Variants in FAM83G observed in about 807,000 individuals in gnomAD.
FAM83G encodes scaffolding CK1 anchoring protein G, also known as protein FAM83G.
In FAM83G, 38 loss-of-function variants were observed where a neutral mutation model predicts 61.5. The observed-to-expected ratio is 0.62, with a 90% CI of 0.48 to 0.81. The LOEUF is 0.81. Among genes scored for constraint, FAM83G ranks in the 30% least tolerant of loss-of-function variants. The pLI is 0.00. For synonymous variants in FAM83G, 470 were observed against 476.1 expected (o/e 0.99, Z 0.17); for missense variants, 989 against 1,133.6 (o/e 0.87, Z 1.83).
chr17:18,983,167 T>C (rs1205731301), intron 3 of FAM83G, among the ~76,000 whole-genome samples: 1 of 152,224 alleles, frequency 6.6e-6, no homozygotes, highest in African/African-American at 2.4e-5. Context: ...TGTCTCCCAG[T>C]AGCCCTGGGC....
Position 18,979,635 on chromosome 17 carries a change from G to A in FAM83G, c.729C>T (p.Phe243=). The change falls in exon 4 of 6, where the codon TTC becomes TTT. Residue 243 remains phenylalanine, a synonymous_variant. Coordinates refer to ENST00000388995, the MANE Select transcript of FAM83G (RefSeq NM_001039999.3). ...RVRSSGGTEF[F]TRSATKFKGA... ...CCTTGAACTTGGTTGCCGACCGCGT[G>A]AAGAACTCAGTTCCCCCGCTGCTCC... 3.1e-6 allele frequency: 5 copies of A among 1,613,550 alleles called. No individual in the cohort carries two copies. Among genetic ancestry groups the A allele is most frequent in the Non-Finnish European group, 4.2e-6 (5 of 1,179,990 alleles).
rs1214020689 is a variant in FAM83G at position 18,979,559 on chromosome 17, C to T, written c.805G>A (p.Gly269Ser). Residue 269 changes from glycine to serine, a missense_variant, in exon 4 of 6, where the codon GGC (glycine) becomes AGC (serine). Gly to Ser is a moderately conservative substitution (Grantham distance 56). Coordinates refer to ENST00000388995, the MANE Select transcript of FAM83G (RefSeq NM_001039999.3). ...MFVDGDRAVC[G>S]SYSFTWSAAR... Reference sequence around the variant, plus strand: ...AAGCTGGAGAGTCACCTGTAGGAGCCGCACACAGCCCGGTCTCCATCCACA... The same window carrying T: ...AAGCTGGAGAGTCACCTGTAGGAGCTGCACACAGCCCGGTCTCCATCCACA... 5.6e-6 allele frequency: 9 copies of T among 1,613,288 alleles called. No individual in the cohort carries two copies. Among genetic ancestry groups the T allele is most frequent in the Non-Finnish European group, 5.9e-6 (7 of 1,179,932 alleles).
At position 18,982,798 on chromosome 17, in the gene FAM83G, G is replaced by A. The variant is rs540883458; in HGVS notation, c.691-3125C>T. Among the ~76,000 whole-genome samples the A allele has an allele frequency of 3.9e-5, 6 of 152,322 alleles. No homozygotes were observed. In the East Asian group the frequency reaches 9.6e-4, roughly 24 times the overall value. On this transcript the variant is annotated intron_variant, in intron 3 of 5. Coordinates refer to ENST00000388995, the MANE Select transcript of FAM83G (RefSeq NM_001039999.3). ...CAGGAGCCCCTGGAGTGGGTCTAGG[G>A]TCTAGGCATTCCTGAGCTCCAGTCA...
intron 3 of FAM83G, among the ~76,000 whole-genome samples, chr17:18,984,069 G>A (rs536041387): frequency 5.9e-5 from 9 of 152,316 alleles, no homozygotes; most frequent in Admixed American, 2.0e-4. Context: ...TTGGCCGGGC[G>A]CGGTGGCTCA....
chr17:18,970,971 C>G lies in FAM83G; in HGVS notation c.*388G>C. 1 of 1,596,984 alleles carries G rather than the reference C, an allele frequency of 6.3e-7. No individual in the cohort carries two copies. Among genetic ancestry groups the G allele is most frequent in the Non-Finnish European group, 8.6e-7 (1 of 1,165,792 alleles). On this transcript the variant is annotated 3_prime_UTR_variant, in exon 6 of 6. Transcript: ENST00000388995. ...GGGGGAGCCCAGGGAGTCAGGGCCC[C>G]GCAACCACCAAACTGTCCCTGTTCC...
At chr17:18,986,607 A>G (rs1275680660) in intron 3 of FAM83G, among the ~76,000 whole-genome samples, 6 of 152,000 alleles carry the variant, frequency 3.9e-5, no homozygotes, top group Non-Finnish European at 7.4e-5. Flanking sequence ...GAAACTCAGA[A>G]CTCTGCAAGC....
At chr17:18,994,453 ACTC>A (rs766205834) in intron 2 of FAM83G, among the ~76,000 whole-genome samples, 5 of 151,760 alleles carry the variant, frequency 3.3e-5, no homozygotes, top group Non-Finnish European at 7.4e-5. Flanking sequence ...CACAGAGTGA[ACTC>A]CAGAGACCTG....
In FAM83G at chr17:18,971,470, G is replaced by A; in HGVS notation, c.2361C>T (p.Tyr787=). The A allele has an allele frequency of 3.1e-6, 5 of 1,614,048 alleles. No individual in the cohort carries two copies. The highest frequency in any genetic ancestry group is 4.2e-6 in the Non-Finnish European group (5 of 1,180,042). ...GGTGCTTCGACTGAGACAGTTTGGA[G>A]TATGGGATTCCGAAGGGACTCGGAT... ...EEHPSPFGIP[Y]SKLSQSKHLK... Residue 787 remains tyrosine (Y), a synonymous_variant, in exon 6 of 6, where the codon TAC becomes TAT. Coordinates refer to ENST00000388995, the MANE Select transcript of FAM83G (RefSeq NM_001039999.3). The surrounding 1 kb of genome is among the most constrained non-coding windows in gnomAD (Gnocchi z 5.5).
chr17:19,003,809 G>A lies in FAM83G; in HGVS notation c.233C>T (p.Ser78Phe). The A allele has an allele frequency of 6.2e-7, 1 of 1,612,800 alleles. No homozygotes were observed. Among genetic ancestry groups the A allele is most frequent in the Non-Finnish European group, 8.5e-7 (1 of 1,179,860 alleles). Reference protein sequence around the residue: ...LETIEVYDPGSEDPRGTGPSQ... With the variant: ...LETIEVYDPGFEDPRGTGPSQ... ...GGGGCCCGTGCCCCGAGGGTCCTCA[G>A]AGCCCGGGTCGTACACCTCGATGGT... Residue 78 changes from serine (S) to phenylalanine (F), a missense_variant, in exon 2 of 6, where the codon TCT becomes TTT. Physicochemically the swap from Ser to Phe is radical, Grantham distance 155. Around this residue, in one of 3 missense-constraint regions of FAM83G, gnomAD observed 371 missense variants for 404.5 expected, o/e 0.92. Coordinates refer to ENST00000388995, the MANE Select transcript of FAM83G (RefSeq NM_001039999.3). The surrounding 1 kb of genome is among the most constrained non-coding windows in gnomAD (Gnocchi z 4.5).
intron 2 of FAM83G, among the ~76,000 whole-genome samples, chr17:18,999,448 C>G (rs2043667481): frequency 6.6e-6 from 1 of 152,116 alleles, no homozygotes; most frequent in Non-Finnish European, 1.5e-5. Context: ...TCGGCCCAGT[C>G]CCTCCAGATA....
chr17:18,976,644 C>A (rs2042987212), intron 5 of FAM83G: 1 of 603,822 alleles, frequency 1.7e-6, no homozygotes. Context: ...AATGAGTGTA[C>A]CTCGGCTCTC....
In FAM83G at chr17:18,977,685, C is replaced by A; in HGVS notation, c.1981G>T (p.Gly661Ter). The A allele has an allele frequency of 6.2e-7, 1 of 1,610,620 alleles. No individual in the cohort carries two copies. The highest frequency in any genetic ancestry group is 8.5e-7 in the Non-Finnish European group (1 of 1,179,804). Reference protein sequence around the residue: ...APHITRGTFVGPQGGSPWAQS... With the variant: ...APHITRGTFV ...GCCCATGGGGAGCCACCCTGGGGTC[C>A]AACAAAGGTCCCTCGGGTTATATGG... The change falls in exon 5 of 6, where the codon GGA becomes TGA. Residue 661 changes from glycine to a stop codon, truncating the protein, a stop_gained. Coordinates refer to ENST00000388995, the MANE Select transcript of FAM83G (RefSeq NM_001039999.3). LOFTEE classifies it high-confidence loss of function.
chr17:18,989,216 G>A (rs2043348799), intron 2 of FAM83G, among the ~76,000 whole-genome samples: 1 of 151,156 alleles, frequency 6.6e-6, no homozygotes, highest in Non-Finnish European at 1.5e-5. Context: ...CCAGGTCTGA[G>A]GACCACCTGG....
rs748195382 is a variant in FAM83G at position 18,977,552 on chromosome 17, G to A, written c.2082+32C>T. On this transcript the variant is annotated intron_variant, in intron 5 of 5. Coordinates refer to ENST00000388995, the MANE Select transcript of FAM83G (RefSeq NM_001039999.3). ...TTGGGTGGCTGGCAGGGAGGGACTC[G>A]TGACCCCTGGTGTGCAGGGACCCTG... 53 of 1,585,080 alleles carry A rather than the reference G, an allele frequency of 3.3e-5. 1 individual carries two copies. Among genetic ancestry groups the A allele is most frequent in the Middle Eastern group, 1.7e-4 (1 of 5,960 alleles).
chr17:18,978,548 G>T lies in FAM83G; in HGVS notation c.1118C>A (p.Pro373His). ...CAGCGCTGGGCCTTTCAGCCCCAGGGGCTTCTTGGCCTCCTGCTTCTCAGA... is the reference window on the plus strand; with the variant it reads ...CAGCGCTGGGCCTTTCAGCCCCAGGTGCTTCTTGGCCTCCTGCTTCTCAGA... ...ISSEKQEAKK[P>H]LGLKGPALAE... The change falls in exon 5 of 6, where the codon CCC becomes CAC. Residue 373 changes from proline (P) to histidine (H), a missense_variant. Around this residue, in one of 3 missense-constraint regions of FAM83G, gnomAD observed 574 missense variants for 645.1 expected, o/e 0.89. Coordinates refer to ENST00000388995, the MANE Select transcript of FAM83G (RefSeq NM_001039999.3). The T allele has an allele frequency of 1.9e-6, 3 of 1,613,260 alleles. No homozygotes were observed. The highest frequency in any genetic ancestry group is 2.5e-6 in the Non-Finnish European group (3 of 1,179,972).
In FAM83G at chr17:19,003,817, G is replaced by C. The variant is rs2152143388; in HGVS notation, c.225C>G (p.Asp75Glu). The part of the protein sequence containing the change: ...KRILETIEVY[D>E]PGSEDPRGTG... ...TGCCCCGAGGGTCCTCAGAGCCCGG[G>C]TCGTACACCTCGATGGTCTCCAGGA... Residue 75 changes from aspartate (D) to glutamate (E), a missense_variant, in exon 2 of 6, where the codon GAC becomes GAG. This residue lies in a region of FAM83G where 371 missense variants were observed against 404.5 expected (regional missense o/e 0.92). Coordinates refer to ENST00000388995, the MANE Select transcript of FAM83G (RefSeq NM_001039999.3). The surrounding 1 kb of genome is among the most constrained non-coding windows in gnomAD (Gnocchi z 4.5). 2 of 1,612,902 alleles carry C rather than the reference G, an allele frequency of 1.2e-6. No individual in the cohort carries two copies. Among genetic ancestry groups the C allele is most frequent in the East Asian group, 4.5e-5 (2 of 44,824 alleles).
chr17:18,984,772 CG>C (rs2043228079), intron 3 of FAM83G, among the ~76,000 whole-genome samples: 2 of 152,246 alleles, frequency 1.3e-5, no homozygotes, highest in Admixed American at 1.3e-4. Flanking sequence ...CCAAGTCATG[CG>C]GCCTGGCCCT....
chr17:18,973,566 TC>T (rs2042907387), intron 5 of FAM83G, among the ~76,000 whole-genome samples: 1 of 152,224 alleles, frequency 6.6e-6, no homozygotes, highest in South Asian at 2.1e-4. Flanking sequence ...TGTGTGGCTC[TC>T]ACTGACACTG....
chr17:19,003,280 C>G lies in FAM83G; in HGVS notation c.522+240G>C, dbSNP rs1434901806. Among the ~76,000 whole-genome samples, 1 of 151,698 alleles carries G rather than the reference C, an allele frequency of 6.6e-6. No homozygotes were observed. The highest frequency in any genetic ancestry group is 1.5e-5 in the Non-Finnish European group (1 of 67,890). ...AAACACCCTCCAACAATAAAGAGGCCCTTTGAGACGGGGCAGCCCACTGTC... is the reference window on the plus strand; with the variant it reads ...AAACACCCTCCAACAATAAAGAGGCGCTTTGAGACGGGGCAGCCCACTGTC... On this transcript the variant is annotated intron_variant, in intron 2 of 5. Transcript: ENST00000388995. The surrounding 1 kb of genome is among the most constrained non-coding windows in gnomAD (Gnocchi z 4.5).
Sources: gnomAD v4.1 joint callset for allele counts (sites outside exome capture counted in the v4.1 genomes callset) on GRCh38, gnomAD v4.1.1 for gene constraint, gnomAD v4.1.1 regional missense constraint, Gnocchi (gnomAD v3.1) non-coding constraint, MANE v1.5 for transcripts, NCBI Gene and HGNC (gene_info 2026-07-23, HGNC 2026-07-21) for gene names.